Variants in SLC26A8 observed in about 807,000 individuals in gnomAD.
SLC26A8 encodes solute carrier family 26 member 8, also known as testis anion transporter 1.
Under a neutral mutation model 105.0 loss-of-function variants are expected in SLC26A8, and 70 were observed. The ratio of observed to expected loss-of-function variants is 0.67; its 90% CI spans 0.55 to 0.81. SLC26A8 has a LOEUF of 0.81. SLC26A8 is among the 40% of genes least tolerant of loss of function. SLC26A8 has a pLI of 0.00. For synonymous variants in SLC26A8, 415 were observed against 438.3 expected (o/e 0.95, Z 0.66); for missense variants, 998 against 1,181.8 (o/e 0.84, Z 2.28).
At chr6:35,966,921 C>G (rs1274965319) in intron 11 of SLC26A8, among the ~76,000 whole-genome samples, 1 of 152,170 alleles carries the variant, frequency 6.6e-6, no homozygotes, top group Non-Finnish European at 1.5e-5. Flanking sequence ...CACTACCCGT[C>G]AGTGAACTCT....
chr6:35,998,280 G>C (rs1485520467), intron 4 of SLC26A8, among the ~76,000 whole-genome samples: 1 of 152,132 alleles, frequency 6.6e-6, no homozygotes, highest in Non-Finnish European at 1.5e-5. Context: ...CAATCACCGG[G>C]CATGGTGGCT....
chr6:35,993,187 G>GGC (rs1488770765), intron 5 of SLC26A8, among the ~76,000 whole-genome samples: 3 of 50,080 alleles, frequency 6.0e-5, no homozygotes, highest in African/African-American at 2.1e-4. Flanking sequence ...GATAGAGATT[G>GGC]GAGGGGGGGG....
intron 5 of SLC26A8, among the ~76,000 whole-genome samples, chr6:35,997,392 T>A (rs1199332467): frequency 6.6e-6 from 1 of 152,200 alleles, no homozygotes; most frequent in Non-Finnish European, 1.5e-5. Flanking sequence ...GGCCCCGACC[T>A]GCCATTTGTG....
chr6:36,001,562 CTT>C (rs1172714355), intron 3 of SLC26A8, among the ~76,000 whole-genome samples: 1 of 152,216 alleles, frequency 6.6e-6, no homozygotes, highest in African/African-American at 2.4e-5. Context: ...TGCAAAAAGA[CTT>C]TGGTTTCCAT....
At chr6:35,978,554 ATGTATG>A (rs1021971943) in intron 8 of SLC26A8, among the ~76,000 whole-genome samples, 1 of 152,208 alleles carries the variant, frequency 6.6e-6, no homozygotes, top group African/African-American at 2.4e-5. Flanking sequence ...AAAGACAAAT[ATGTATG>A]CCTCAACAGT....
At chr6:35,994,116 C>CTTTTTT (rs1168753321) in intron 5 of SLC26A8, among the ~76,000 whole-genome samples, 1 of 66,194 alleles carries the variant, frequency 1.5e-5, no homozygotes, top group Non-Finnish European at 3.5e-5. Context: ...TTTTTCTTTT[C>CTTTTTT]TTTTTTTTTT....
intron 7 of SLC26A8, among the ~76,000 whole-genome samples, chr6:35,989,303 T>G (rs539248128): frequency 6.6e-5 from 10 of 152,332 alleles, no homozygotes; most frequent in African/African-American, 2.4e-4. Flanking sequence ...CATGACAGAT[T>G]AGTTTTTCCT....
chr6:36,003,862 C>T (rs1218084515), intron 3 of SLC26A8, among the ~76,000 whole-genome samples: 1 of 151,832 alleles, frequency 6.6e-6, no homozygotes, highest in Non-Finnish European at 1.5e-5. Flanking sequence ...GGGGTTTCAC[C>T]ATGTTAGCCA....
At chr6:35,998,999 A>ATT (rs1761442835) in intron 4 of SLC26A8, among the ~76,000 whole-genome samples, 2 of 151,544 alleles carry the variant, frequency 1.3e-5, no homozygotes, top group African/African-American at 4.9e-5. Flanking sequence ...GGTTCAGGCA[A>ATT]TTCTCCTGCC....
At chr6:35,953,577 G>A (rs1044606090) in intron 17 of SLC26A8, among the ~76,000 whole-genome samples, 1 of 152,158 alleles carries the variant, frequency 6.6e-6, no homozygotes, top group Admixed American at 6.5e-5. Flanking sequence ...CTACAGCCCA[G>A]GACCAGGAGG....
chr6:36,001,768 C>T (rs1761529408), intron 3 of SLC26A8, among the ~76,000 whole-genome samples: 1 of 152,160 alleles, frequency 6.6e-6, no homozygotes, highest in Admixed American at 6.6e-5. Context: ...GGGCCCAACA[C>T]ATATAGTTGG....
At chr6:36,018,161 T>A (rs1267143825) in intron 2 of SLC26A8, among the ~76,000 whole-genome samples, 1 of 152,234 alleles carries the variant, frequency 6.6e-6, no homozygotes, top group Non-Finnish European at 1.5e-5. Flanking sequence ...ATGATGTGAT[T>A]CAACAATTCT....
chr6:35,998,423 T>C (rs1030504139), intron 4 of SLC26A8, among the ~76,000 whole-genome samples: 1 of 151,660 alleles, frequency 6.6e-6, no homozygotes, highest in Non-Finnish European at 1.5e-5. Flanking sequence ...GGCATGGTGG[T>C]GCATGCCTGT....
intron 11 of SLC26A8, among the ~76,000 whole-genome samples, chr6:35,964,883 C>G (rs1772445176): frequency 6.6e-6 from 1 of 151,168 alleles, no homozygotes; most frequent in African/African-American, 2.4e-5. Flanking sequence ...GGGAGAACTC[C>G]TTGAACCTGG....
rs34335766 is a variant in SLC26A8 at position 35,979,007 on chromosome 6, A to ATTTT, written c.1026-1660_1026-1657dup. On this transcript the variant is annotated intron_variant, in intron 8 of 19. Transcript: ENST00000490799. The stretch of plus-strand genomic sequence containing the variant: ...AGATACATGCAACCACACCTGGCTA[A>ATTTT]TTTTTTTTTTTTTTTTTTTTTTTTT... Among the ~76,000 whole-genome samples the ATTTT allele has an allele frequency of 4.5e-4, 44 of 98,346 alleles. 1 individual carries two copies. Among genetic ancestry groups the ATTTT allele is most frequent in the East Asian group, 1.9e-3 (7 of 3,654 alleles). The allele number at this position is 98,346 out of a possible 152,430, so 64.5% of individuals were successfully genotyped here. A position where few individuals can be genotyped will look rare whatever the true frequency, so the allele number is the denominator to read the frequency against.
At chr6:36,016,236 G>A (rs1300004259) in intron 2 of SLC26A8, among the ~76,000 whole-genome samples, 1 of 151,960 alleles carries the variant, frequency 6.6e-6, no homozygotes, top group African/African-American at 2.4e-5. Flanking sequence ...TCAGTGATCC[G>A]CCCACCTCAG....
rs200071824 is a variant in SLC26A8, at chr6:35,959,583, C to A, written c.1740G>T (p.Met580Ile). Residue 580 changes from methionine (M) to isoleucine (I), a missense_variant, in exon 16 of 20, where the codon ATG becomes ATT. Physicochemically the swap from Met to Ile is conservative, Grantham distance 10. Transcript: ENST00000490799. Reference protein sequence around the residue: ...LKHKLLKEVDMVKVPLKEEEI... With the variant: ...LKHKLLKEVDIVKVPLKEEEI... ...CTTCTTCTTTAAGAGGCACCTTTAC[C>A]ATATCAACCTGAAAGACATGAGAGG... The A allele has an allele frequency of 2.0e-5, 32 of 1,612,556 alleles. No individual in the cohort carries two copies. The highest frequency in any genetic ancestry group is 2.7e-5 in the African/African-American group (2 of 74,748).
intron 2 of SLC26A8, among the ~76,000 whole-genome samples, chr6:36,016,097 G>A (rs10947588): frequency 0.11 from 16,840 of 151,792 alleles, 979 homozygotes; most frequent in Middle Eastern, 0.15. Flanking sequence ...GGATTCAAGC[G>A]ATTCTCCTGC....
At chr6:35,980,055 C>A (rs887285391) in intron 8 of SLC26A8, among the ~76,000 whole-genome samples, 81 of 152,314 alleles carry the variant, frequency 5.3e-4, no homozygotes, top group African/African-American at 1.9e-3. Context: ...TTATTGCAAC[C>A]TCCAACTCCC....
Sources: gnomAD v4.1 joint callset for allele counts (sites outside exome capture counted in the v4.1 genomes callset) on GRCh38, gnomAD v4.1.1 for gene constraint, MANE v1.5 for transcripts, NCBI Gene and HGNC (gene_info 2026-07-23, HGNC 2026-07-21) for gene names.